AKR1C8: variants seen among roughly 807,000 people sequenced by gnomAD.
The protein encoded by AKR1C8 is aldo-keto reductase family 1 member C8.
chr10:5,120,238 A>G, the AKR1C8 span, among the ~76,000 whole-genome samples: 2 of 152,192 alleles, frequency 1.3e-5, no homozygotes, highest in Admixed American at 6.5e-5. Context: ...CTATAGAAAC[A>G]ATGCTTATCA....
At chr10:5,144,180 T>C in the AKR1C8 span, among the ~76,000 whole-genome samples, 1 of 152,142 alleles carries the variant, frequency 6.6e-6, no homozygotes, top group East Asian at 1.9e-4. Context: ...GATCAGATAG[T>C]TGTAGATATG....
chr10:5,151,638 C>T, the AKR1C8 span, among the ~76,000 whole-genome samples: 18 of 148,308 alleles, frequency 1.2e-4, no homozygotes, highest in Admixed American at 5.4e-4. Flanking sequence ...CTTACTGCAA[C>T]CTCTGCCTCC....
At chr10:5,122,824 AT>A in the AKR1C8 span, among the ~76,000 whole-genome samples, 1 of 152,192 alleles carries the variant, frequency 6.6e-6, no homozygotes, top group Non-Finnish European at 1.5e-5. Context: ...TGTTCTACAC[AT>A]AGAAAGAGAC....
chr10:5,128,363 A>G, the AKR1C8 span, among the ~76,000 whole-genome samples: 2,239 of 152,248 alleles, frequency 0.015, 54 homozygotes, highest in African/African-American at 0.051. Flanking sequence ...CTATAAAACA[A>G]TAACACAACA....
chr10:5,177,973 A>G, the AKR1C8 span, among the ~76,000 whole-genome samples: 1 of 151,834 alleles, frequency 6.6e-6, no homozygotes, highest in African/African-American at 2.4e-5. Flanking sequence ...TTGTGTCTCT[A>G]TTTCCTTCAG....
At chr10:5,148,833 T>C in the AKR1C8 span, among the ~76,000 whole-genome samples, 6 of 152,280 alleles carry the variant, frequency 3.9e-5, no homozygotes, top group East Asian at 7.7e-4. Flanking sequence ...TATATTTTTC[T>C]TTCTTTCCTT....
the AKR1C8 span, among the ~76,000 whole-genome samples, chr10:5,178,609 G>T: frequency 6.6e-6 from 1 of 152,256 alleles, no homozygotes; most frequent in Admixed American, 6.5e-5. Context: ...TATTGTGTGG[G>T]AATCTAAGTC....
At chr10:5,156,557 G>A in the AKR1C8 span, among the ~76,000 whole-genome samples, 88 of 71,572 alleles carry the variant, frequency 1.2e-3, 1 homozygote, top group African/African-American at 3.4e-3. Context: ...TCTATCTAAT[G>A]TATTTATCTC....
At chr10:5,180,259 G>T in the AKR1C8 span, among the ~76,000 whole-genome samples, 1 of 152,176 alleles carries the variant, frequency 6.6e-6, no homozygotes, top group African/African-American at 2.4e-5. Flanking sequence ...TGTTTGTCTG[G>T]GTATCCGCAG....
the AKR1C8 span, among the ~76,000 whole-genome samples, chr10:5,161,207 G>T: frequency 2.1e-3 from 327 of 152,300 alleles, 2 homozygotes; most frequent in Non-Finnish European, 3.7e-3. Context: ...CTAAGAATGA[G>T]GTCCCTACAG....
the AKR1C8 span, chr10:5,123,326 GC>G: frequency 3.7e-6 from 1 of 272,840 alleles, no homozygotes; most frequent in Non-Finnish European, 7.6e-6. Flanking sequence ...CAGGACCACA[GC>G]CCCACGCTGC....
chr10:5,161,016 T>C, the AKR1C8 span: 2 of 399,080 alleles, frequency 5.0e-6, no homozygotes, highest in South Asian at 1.9e-5. Context: ...TGAGTGCACA[T>C]ATTTGTGCCT....
At chr10:5,157,521 G>A in the AKR1C8 span, 1 of 355,848 alleles carries the variant, frequency 2.8e-6, no homozygotes, top group Non-Finnish European at 5.8e-6. Context: ...TCCTCCCTTA[G>A]CACAGAGTGG....
At chr10:5,166,235 G>T in the AKR1C8 span, among the ~76,000 whole-genome samples, 4 of 151,676 alleles carry the variant, frequency 2.6e-5, no homozygotes, top group African/African-American at 9.7e-5. Flanking sequence ...TAGATTCAAT[G>T]CCATCCCCAT....
the AKR1C8 span, among the ~76,000 whole-genome samples, chr10:5,120,249 C>T: frequency 6.6e-6 from 1 of 152,206 alleles, no homozygotes; most frequent in Non-Finnish European, 1.5e-5. Flanking sequence ...ATGCTTATCA[C>T]TGGCTTACTG....
chr10:5,127,563 A>C, the AKR1C8 span, among the ~76,000 whole-genome samples: 1 of 151,546 alleles, frequency 6.6e-6, no homozygotes, highest in Non-Finnish European at 1.5e-5. Flanking sequence ...TACTAAAAAT[A>C]TAAAAATTAG....
the AKR1C8 span, among the ~76,000 whole-genome samples, chr10:5,177,617 T>C: frequency 1.3e-5 from 2 of 152,180 alleles, no homozygotes; most frequent in South Asian, 2.1e-4. Flanking sequence ...CCTGGACTCT[T>C]TTTGGTTAGT....
the AKR1C8 span, among the ~76,000 whole-genome samples, chr10:5,175,865 T>C: frequency 2.0e-5 from 3 of 152,198 alleles, no homozygotes; most frequent in African/African-American, 7.2e-5. Flanking sequence ...TCATTGTAGA[T>C]TCTGGATATT....
At chr10:5,130,444 A>C in the AKR1C8 span, among the ~76,000 whole-genome samples, 1 of 152,024 alleles carries the variant, frequency 6.6e-6, no homozygotes, top group African/African-American at 2.4e-5. Flanking sequence ...AGAAAGAAAA[A>C]GTAAGAAAGG....
Sources: allele counts gnomAD v4.1 joint callset (sites outside exome capture counted in the v4.1 genomes callset), GRCh38; gene constraint gnomAD v4.1.1; transcripts MANE v1.5; gene names NCBI Gene and HGNC (gene_info 2026-07-23, HGNC 2026-07-21).